Variants in ACACA observed in about 807,000 individuals in gnomAD.
ACACA encodes acetyl-CoA carboxylase alpha, also known as acetyl-CoA carboxylase 1.
ACACA carries 103 observed loss-of-function variants against 296.1 expected under a neutral mutation model. The ratio of observed to expected loss-of-function variants is 0.35; its 90% CI spans 0.30 to 0.41. The LOEUF is 0.41. Ranked by LOEUF, ACACA falls within the 10% of genes least tolerant of loss-of-function variation. ACACA has a pLI of 1.00. For synonymous variants in ACACA, 953 were observed against 1,038.6 expected, an observed-to-expected ratio of 0.92 and a Z score of 1.58; for missense variants, 1,554 against 2,989.7, an observed-to-expected ratio of 0.52 and a Z score of 11.20.
rs2072144732 is a variant in ACACA at position 37,085,570 on chromosome 17, G to A, written c.*1746C>T. 1 of 398,556 alleles carries A rather than the reference G, an allele frequency of 2.5e-6. No homozygotes were observed. The highest frequency in any genetic ancestry group is 1.3e-4 in the South Asian group (1 of 7,812). The allele number at this position is 398,556 out of a possible 1,614,324, so 24.7% of individuals were successfully genotyped here. A position where few individuals can be genotyped will look rare whatever the true frequency, so the allele number is the denominator to read the frequency against. ...CAGCAATGGTCAATGCATTTTCCTGGACTGAGAATTGTCCCCCACCACTTT... is the reference window on the plus strand; with the variant it reads ...CAGCAATGGTCAATGCATTTTCCTGAACTGAGAATTGTCCCCCACCACTTT... On this transcript the variant is annotated 3_prime_UTR_variant, in exon 56 of 56. Coordinates refer to ENST00000616317, the MANE Select transcript of ACACA (RefSeq NM_198834.3).
chr17:37,191,596 G>A (rs561635095), intron 37 of ACACA, among the ~76,000 whole-genome samples: 38 of 152,226 alleles, frequency 2.5e-4, no homozygotes, highest in African/African-American at 8.7e-4. Context: ...ATTTAGAAAG[G>A]AAAAGCTGAA....
At chr17:37,318,192 T>C (rs1385212678) in intron 3 of ACACA, among the ~76,000 whole-genome samples, 1 of 152,206 alleles carries the variant, frequency 6.6e-6, no homozygotes, top group Non-Finnish European at 1.5e-5. Flanking sequence ...TTGATAGTGA[T>C]GAACCAATAG....
chr17:37,221,984 C>T (rs1723001811), intron 28 of ACACA, 142 bp from the exon 29 acceptor site: 2 of 700,270 alleles, frequency 2.9e-6, no homozygotes, highest in African/African-American at 3.6e-5. Flanking sequence ...TGTATACGTA[C>T]ATATATTGCT....
intron 33 of ACACA, among the ~76,000 whole-genome samples, chr17:37,201,808 A>AT (rs1016311629): frequency 3.3e-5 from 5 of 152,146 alleles, no homozygotes; most frequent in African/African-American, 7.2e-5. Flanking sequence ...GATATTATAT[A>AT]TTTTTTAAAA....
rs1377674429 is a variant in ACACA, at chr17:37,275,800, A to T, written c.901+151T>A. 6.9e-6 allele frequency: 5 copies of T among 724,310 alleles called. No individual in the cohort carries two copies. In the African/African-American group the frequency reaches 7.0e-5, roughly 10 times the overall value. 44.9% of individuals were successfully genotyped at this position (724,310 alleles called of 1,614,324 possible). ...ATATTACTAAAAGAATCACAGGTGT[A>T]TTAATTAAGCTAGGAGCTACAAGGT... On this transcript the variant is annotated intron_variant, in intron 8 of 55. Transcript: ENST00000616317.
chr17:37,155,736 G>A lies in ACACA; in HGVS notation c.5394C>T (p.Val1798=). 6.2e-7 allele frequency: 1 copy of A among 1,611,544 alleles called. No individual in the cohort carries two copies. Among genetic ancestry groups the A allele is most frequent in the African/African-American group, 1.3e-5 (1 of 75,024 alleles). The change falls in exon 43 of 56, where the codon GTC becomes GTT. Residue 1798 remains valine (V), a synonymous_variant. Transcript: ENST00000616317. ...LYLTPQDYKR[V]SALNSVHCEH... is the part of the protein sequence containing the mutation. ...CACAATGGACAGAGTTGAGAGCACT[G>A]ACTCTCTTATAATCTTGAGGAGTCA... is the stretch of plus-strand genomic sequence containing the variant.
In ACACA at chr17:37,197,166, G is replaced by A. The variant is rs533838750; in HGVS notation, c.4158+2973C>T. Reference sequence around the variant, plus strand: ...CTGTGGGCAGCTATCTGGGACAACTGTGGCTAAACTACGAAGTATTGTAAA... The same window carrying A: ...CTGTGGGCAGCTATCTGGGACAACTATGGCTAAACTACGAAGTATTGTAAA... On this transcript the variant is annotated intron_variant, in intron 35 of 55. Coordinates refer to ENST00000616317, the MANE Select transcript of ACACA (RefSeq NM_198834.3). Among the ~76,000 whole-genome samples the A allele has an allele frequency of 8.7e-4, 133 of 152,290 alleles. 1 individual carries two copies. Among genetic ancestry groups the A allele is most frequent in the Non-Finnish European group, 8.1e-4 (55 of 68,018 alleles).
intron 52 of ACACA, among the ~76,000 whole-genome samples, chr17:37,105,278 T>C (rs1437542545): frequency 2.0e-5 from 3 of 152,198 alleles, no homozygotes; most frequent in African/African-American, 7.2e-5. Context: ...AAATGTTTTA[T>C]AAAAGAATGT....
At chr17:37,164,251 T>C (rs960851802) in intron 41 of ACACA, among the ~76,000 whole-genome samples, 1 of 152,062 alleles carries the variant, frequency 6.6e-6, no homozygotes, top group Non-Finnish European at 1.5e-5. Flanking sequence ...TTAACAGATG[T>C]AAATAGCGGC....
At chr17:37,316,253 T>C (rs2047080381) in intron 3 of ACACA, among the ~76,000 whole-genome samples, 1 of 151,256 alleles carries the variant, frequency 6.6e-6, no homozygotes, top group Non-Finnish European at 1.5e-5. Flanking sequence ...TGCTAGACGT[T>C]TCACTGATAC....
In ACACA at chr17:37,280,302, G is replaced by A. The variant is rs557710036; in HGVS notation, c.611-2297C>T. On this transcript the variant is annotated intron_variant, in intron 5 of 55. Transcript: ENST00000616317. ...TGGCTCACTGCGACCTCGACCTCCC[G>A]GGCTAAAGTGATTCTCCCACCTCAG... 1.8e-3 allele frequency among the ~76,000 whole-genome samples: 278 copies of A among 152,206 alleles called. 1 individual carries two copies. Among genetic ancestry groups the A allele is most frequent in the African/African-American group, 6.1e-3 (252 of 41,538 alleles).
chr17:37,297,614 C>G (rs1291460525), intron 3 of ACACA, among the ~76,000 whole-genome samples: 1 of 151,498 alleles, frequency 6.6e-6, no homozygotes, highest in East Asian at 1.9e-4. Flanking sequence ...GTGATCTCTG[C>G]TCACTGCAAA....
chr17:37,297,091 G>A (rs747426789), intron 3 of ACACA, among the ~76,000 whole-genome samples: 10 of 151,520 alleles, frequency 6.6e-5, no homozygotes, highest in Non-Finnish European at 1.5e-4. Context: ...ATATATGCAC[G>A]TTTTATTTCT....
intron 24 of ACACA, among the ~76,000 whole-genome samples, chr17:37,236,395 A>G (rs2080112279): frequency 6.6e-6 from 1 of 152,206 alleles, no homozygotes; most frequent in Non-Finnish European, 1.5e-5. Flanking sequence ...AAACTTTGGC[A>G]ATAGGACCAG....
chr17:37,107,479 C>T (rs558171085), intron 52 of ACACA, among the ~76,000 whole-genome samples: 1 of 152,324 alleles, frequency 6.6e-6, no homozygotes, highest in South Asian at 2.1e-4. Context: ...TCCTCACCTG[C>T]CACCACAATG....
chr17:37,126,682 T>C (rs1003952252), intron 47 of ACACA, among the ~76,000 whole-genome samples: 1 of 152,200 alleles, frequency 6.6e-6, no homozygotes, highest in African/African-American at 2.4e-5. Flanking sequence ...AGTGGAGATC[T>C]GAGCAAGCTA....
At chr17:37,309,006 C>T (rs572439680) in intron 3 of ACACA, among the ~76,000 whole-genome samples, 1 of 152,282 alleles carries the variant, frequency 6.6e-6, no homozygotes, top group African/African-American at 2.4e-5. Flanking sequence ...CATTTATTCA[C>T]AAGTATTTAT....
chr17:37,268,281 TGG>T (rs2081887298), intron 10 of ACACA, among the ~76,000 whole-genome samples: 1 of 152,234 alleles, frequency 6.6e-6, no homozygotes, highest in East Asian at 1.9e-4. Context: ...TTTTAAGTTC[TGG>T]ATGTTATCTT....
chr17:37,147,529 G>A (rs945575682), intron 45 of ACACA, among the ~76,000 whole-genome samples: 1 of 152,200 alleles, frequency 6.6e-6, no homozygotes, highest in African/African-American at 2.4e-5. Context: ...GAAGCCATCT[G>A]AGCATGGTAG....
Sources: allele counts gnomAD v4.1 joint callset (sites outside exome capture counted in the v4.1 genomes callset), GRCh38; gene constraint gnomAD v4.1.1; transcripts MANE v1.5; gene names NCBI Gene and HGNC (gene_info 2026-07-23, HGNC 2026-07-21).